Variants in SYNDIG1L observed in about 807,000 individuals in gnomAD.
The protein encoded by SYNDIG1L is synapse differentiation-inducing gene protein 1-like.
A neutral mutation model predicts 20.1 loss-of-function variants in SYNDIG1L; 13 were observed. That is an observed-to-expected ratio of 0.65 (90% CI 0.42 to 1.03). The LOEUF (loss-of-function observed/expected upper bound fraction) is 1.03. Among genes scored for constraint, SYNDIG1L ranks in the 50% least tolerant of loss-of-function variants. The pLI is 0.00. For synonymous variants in SYNDIG1L, 128 were observed against 129.3 expected, an observed-to-expected ratio of 0.99 and a Z score of 0.07; for missense variants, 294 against 305.1, an observed-to-expected ratio of 0.96 and a Z score of 0.27.
At chr14:74,428,751 G>C (rs958134046), upstream of SYNDIG1L, among the ~76,000 whole-genome samples, 1 of 152,196 alleles carries the variant, frequency 6.6e-6, no homozygotes, top group Non-Finnish European at 1.5e-5. Flanking sequence ...CTGGAGGACT[G>C]ATGAGGAAGC....
chr14:74,429,783 G>T (rs1291654396), upstream of SYNDIG1L, among the ~76,000 whole-genome samples: 1 of 152,218 alleles, frequency 6.6e-6, no homozygotes, highest in African/African-American at 2.4e-5. Flanking sequence ...GTGGCTGTAA[G>T]CAAATAGTGG....
the SYNDIG1L span, among the ~76,000 whole-genome samples, chr14:74,456,487 G>T: frequency 4.6e-5 from 7 of 152,174 alleles, no homozygotes; most frequent in African/African-American, 1.7e-4. Flanking sequence ...CTGAGATTGT[G>T]CCATTCACCC....
Position 74,409,344 on chromosome 14 carries a change from T to C in SYNDIG1L, c.401A>G (p.Asp134Gly). The C allele has an allele frequency of 6.4e-7, 1 of 1,561,634 alleles. No individual in the cohort carries two copies. The highest frequency in any genetic ancestry group is 8.7e-7 in the Non-Finnish European group (1 of 1,153,020). The change falls in exon 2 of 4, where the codon GAC becomes GGC. Residue 134 changes from aspartate (D) to glycine (G), a missense_variant. Physicochemically the swap from Asp to Gly is moderately conservative, Grantham distance 94. Coordinates refer to ENST00000331628, the MANE Select transcript of SYNDIG1L (RefSeq NM_001105579.2). ...TGCACTCACCTCCTCTTCCTCCTGG[T>C]CATCCTCCTGGTCCCGCAGCTCCTC... The part of the protein sequence containing the change: ...VQEELRDQED[D>G]QEEEESDATS...
intron 1 of SYNDIG1L, among the ~76,000 whole-genome samples, chr14:74,418,489 T>C (rs1231920122): frequency 2.0e-5 from 3 of 152,164 alleles, no homozygotes; most frequent in African/African-American, 7.2e-5. Flanking sequence ...AAAAATAAAA[T>C]CATTGTGATG....
chr14:74,426,958 A>C (rs900334082), upstream of SYNDIG1L, among the ~76,000 whole-genome samples: 4 of 151,944 alleles, frequency 2.6e-5, no homozygotes, highest in East Asian at 7.8e-4. Context: ...TATGAGGACA[A>C]AATGAGATGA....
At chr14:74,458,895 C>G in the SYNDIG1L span, among the ~76,000 whole-genome samples, 17 of 152,246 alleles carry the variant, frequency 1.1e-4, no homozygotes, top group African/African-American at 4.1e-4. Context: ...CCTGCACCCT[C>G]TGGAACTCCC....
chr14:74,428,409 T>C (rs187016854), upstream of SYNDIG1L, among the ~76,000 whole-genome samples: 83 of 152,310 alleles, frequency 5.4e-4, no homozygotes, highest in East Asian at 0.012. Context: ...CCTTCCTTTT[T>C]CCATCAAGCA....
At chr14:74,418,675 A>T (rs2086197210) in intron 1 of SYNDIG1L, among the ~76,000 whole-genome samples, 1 of 152,176 alleles carries the variant, frequency 6.6e-6, no homozygotes, top group Non-Finnish European at 1.5e-5. Flanking sequence ...CACCTTGCTC[A>T]CTGGAACACT....
intron 1 of SYNDIG1L, among the ~76,000 whole-genome samples, chr14:74,418,948 G>A (rs2086199265): frequency 6.6e-6 from 1 of 152,116 alleles, no homozygotes. Flanking sequence ...CTGACCCTCC[G>A]AAGTCGTGAA....
At chr14:74,429,878 C>T (rs957606791), upstream of SYNDIG1L, among the ~76,000 whole-genome samples, 1 of 152,178 alleles carries the variant, frequency 6.6e-6, no homozygotes, top group Admixed American at 6.5e-5. Flanking sequence ...TGAGGCAGAC[C>T]CCCAGCAATG....
At chr14:74,412,575 C>G (rs1300241701) in intron 1 of SYNDIG1L, among the ~76,000 whole-genome samples, 3 of 152,198 alleles carry the variant, frequency 2.0e-5, no homozygotes. Context: ...TCCTCTGCCC[C>G]CTTTTGAGGG....
At chr14:74,433,436 T>A in the SYNDIG1L span, among the ~76,000 whole-genome samples, 2 of 151,864 alleles carry the variant, frequency 1.3e-5, no homozygotes, top group Non-Finnish European at 2.9e-5. Context: ...CAGGCTGGAG[T>A]GCAGTCGTGC....
chr14:74,458,541 G>T, the SYNDIG1L span, among the ~76,000 whole-genome samples: 1 of 149,094 alleles, frequency 6.7e-6, no homozygotes, highest in East Asian at 2.0e-4. Flanking sequence ...AGAATCGCTT[G>T]AACCCAGGAG....
Position 74,407,998 on chromosome 14 carries a change from C to T in SYNDIG1L, c.418-9G>A. 1.2e-6 allele frequency: 2 copies of T among 1,603,600 alleles called. No individual in the cohort carries two copies. The highest frequency in any genetic ancestry group is 4.5e-5 in the East Asian group (2 of 44,790). On this transcript the variant is annotated splice_polypyrimidine_tract_variant and intron_variant, in intron 2 of 3. Coordinates refer to ENST00000331628, the MANE Select transcript of SYNDIG1L (RefSeq NM_001105579.2). ...GTTGAAGTGGCATCGCTCTGCAAAA[C>T]AGTGGAGTTTGGTGACCAGGCCCAG...
chr14:74,421,418 C>T (rs2086220419), intron 1 of SYNDIG1L, among the ~76,000 whole-genome samples: 1 of 152,144 alleles, frequency 6.6e-6, no homozygotes, highest in South Asian at 2.1e-4. Flanking sequence ...GGAGGTCCAA[C>T]ATCAATCTAA....
At chr14:74,430,960 C>A (rs2086298425), upstream of SYNDIG1L, among the ~76,000 whole-genome samples, 1 of 152,148 alleles carries the variant, frequency 6.6e-6, no homozygotes, top group Non-Finnish European at 1.5e-5. Context: ...TAAGTAACTT[C>A]CAACTTGGAA....
At chr14:74,412,775 C>G (rs1041480557) in intron 1 of SYNDIG1L, among the ~76,000 whole-genome samples, 3 of 152,190 alleles carry the variant, frequency 2.0e-5, no homozygotes, top group Non-Finnish European at 4.4e-5. Context: ...AGCCCTGCCC[C>G]TCCACCCCTG....
chr14:74,477,088 A>ACACT, the SYNDIG1L span, among the ~76,000 whole-genome samples: 137 of 74,886 alleles, frequency 1.8e-3, 19 homozygotes, highest in African/African-American at 8.1e-3. Context: ...ACACACACAC[A>ACACT]CAACCCTGTC....
At chr14:74,417,109 TG>T (rs2086182408) in intron 1 of SYNDIG1L, among the ~76,000 whole-genome samples, 1 of 152,190 alleles carries the variant, frequency 6.6e-6, no homozygotes. Context: ...CTTTAACATG[TG>T]GGGAAACTGG....
Sources: allele counts gnomAD v4.1 joint callset (sites outside exome capture counted in the v4.1 genomes callset), GRCh38; gene constraint gnomAD v4.1.1; transcripts MANE v1.5; gene names NCBI Gene and HGNC (gene_info 2026-07-23, HGNC 2026-07-21).